The following RALYL variants were observed in gnomAD, a reference collection of about 807,000 sequenced individuals.
The protein encoded by RALYL is RNA-binding Raly-like protein.
In RALYL, 29 loss-of-function variants were observed where a neutral mutation model predicts 35.1. The ratio of observed to expected loss-of-function variants is 0.83; its 90% CI spans 0.61 to 1.13. The LOEUF (loss-of-function observed/expected upper bound fraction) is 1.13. Ranked by LOEUF, RALYL falls within the 50% of genes most tolerant of loss-of-function variation. The probability of loss-of-function intolerance (pLI) is 0.00; values close to 1 mark genes in which losing one functional copy is unlikely to be tolerated. For synonymous variants in RALYL, 120 were observed against 127.6 expected, an observed-to-expected ratio of 0.94 and a Z score of 0.40; for missense variants, 359 against 360.4, an observed-to-expected ratio of 1.00 and a Z score of 0.03.
chr8:84,565,527 G>A (rs2061724828), intron 2 of RALYL, among the ~76,000 whole-genome samples: 1 of 151,468 alleles, frequency 6.6e-6, no homozygotes, highest in Non-Finnish European at 1.5e-5. Context: ...TGCATTGTAA[G>A]GGATTACTGA....
At chr8:84,318,155 G>A (rs968975823) in intron 1 of RALYL, among the ~76,000 whole-genome samples, 4 of 152,054 alleles carry the variant, frequency 2.6e-5, no homozygotes, top group Non-Finnish European at 2.9e-5. Flanking sequence ...TGTTAAAGAC[G>A]TATTAAGAAC....
At chr8:84,556,360 T>A (rs2061118455) in intron 2 of RALYL, among the ~76,000 whole-genome samples, 1 of 152,166 alleles carries the variant, frequency 6.6e-6, no homozygotes, top group Admixed American at 6.5e-5. Flanking sequence ...GCATTATTAA[T>A]TTATTTTCAG....
intron 6 of RALYL, among the ~76,000 whole-genome samples, chr8:84,868,015 CATA>C (rs1334920451): frequency 6.6e-6 from 1 of 151,704 alleles, no homozygotes; most frequent in Non-Finnish European, 1.5e-5. Context: ...ATTTTATATG[CATA>C]ATAATAAATT....
chr8:84,253,175 A>ATTTTT (rs1195738891), intron 1 of RALYL, among the ~76,000 whole-genome samples: 1 of 93,870 alleles, frequency 1.1e-5, no homozygotes, highest in Admixed American at 1.2e-4. Context: ...GTAGTTCTGC[A>ATTTTT]GTTTTTTTTT....
intron 8 of RALYL, among the ~76,000 whole-genome samples, chr8:84,899,715 C>T (rs372912213): frequency 1.3e-5 from 2 of 152,102 alleles, no homozygotes; most frequent in Non-Finnish European, 2.9e-5. Context: ...TTGACTCTAT[C>T]GTGTTGGTTT....
chr8:84,638,584 G>A (rs1193479437), intron 2 of RALYL, among the ~76,000 whole-genome samples: 1 of 151,566 alleles, frequency 6.6e-6, no homozygotes, highest in African/African-American at 2.4e-5. Flanking sequence ...AGAAAAAAGA[G>A]AAAGCCAAAT....
At chr8:84,252,275 A>G (rs1249178534) in intron 1 of RALYL, among the ~76,000 whole-genome samples, 5 of 152,106 alleles carry the variant, frequency 3.3e-5, no homozygotes, top group Non-Finnish European at 7.4e-5. Context: ...TATTTTATTT[A>G]TAGGTAGCCA....
intron 2 of RALYL, among the ~76,000 whole-genome samples, chr8:84,609,615 A>T (rs1230095110): frequency 6.6e-6 from 1 of 152,182 alleles, no homozygotes; most frequent in Non-Finnish European, 1.5e-5. Context: ...TTTTTGAAAC[A>T]ATTTCAGTTT....
chr8:84,249,259 C>T (rs1829722550), intron 1 of RALYL, among the ~76,000 whole-genome samples: 1 of 152,026 alleles, frequency 6.6e-6, no homozygotes, highest in Non-Finnish European at 1.5e-5. Context: ...TTATGTTGTT[C>T]CTTTTTCCTA....
At chr8:84,581,498 T>C (rs1323010466) in intron 2 of RALYL, among the ~76,000 whole-genome samples, 2 of 152,186 alleles carry the variant, frequency 1.3e-5, no homozygotes, top group Non-Finnish European at 2.9e-5. Flanking sequence ...GAGGACTACG[T>C]TAACTGATAC....
chr8:84,352,707 C>T (rs1851141407), intron 1 of RALYL, among the ~76,000 whole-genome samples: 1 of 150,126 alleles, frequency 6.7e-6, no homozygotes, highest in Non-Finnish European at 1.5e-5. Flanking sequence ...GCATTTGATG[C>T]TTATTTATTT....
At chr8:84,697,842 C>G (rs1162831250) in intron 2 of RALYL, among the ~76,000 whole-genome samples, 1 of 152,000 alleles carries the variant, frequency 6.6e-6, no homozygotes, top group African/African-American at 2.4e-5. Context: ...ACACTGTATT[C>G]TTTTTCTGGA....
At chr8:84,505,205 C>T (rs2057059830) in intron 1 of RALYL, among the ~76,000 whole-genome samples, 1 of 152,148 alleles carries the variant, frequency 6.6e-6, no homozygotes, top group South Asian at 2.1e-4. Context: ...GTATCCAGTT[C>T]ATTTTCTTTC....
rs191783437 is a variant in RALYL at position 84,884,667 on chromosome 8, T to C, written c.686-2937T>C. Among the ~76,000 whole-genome samples the C allele has an allele frequency of 1.4e-4, 21 of 152,242 alleles. No homozygotes were observed. The East Asian group carries it at 3.7e-3, about 27-fold the overall frequency. ...TACTAGGCCAATTGAATTCCTAATA[T>C]ATGTCAATCTTAAGCAAAAGTCCAT... On this transcript the variant is annotated intron_variant, in intron 7 of 8. Transcript: ENST00000521268.
chr8:84,731,566 C>T (rs552562380), intron 2 of RALYL, among the ~76,000 whole-genome samples: 1 of 152,214 alleles, frequency 6.6e-6, no homozygotes, highest in African/African-American at 2.4e-5. Context: ...CCAATTCTCT[C>T]CACTTTCACT....
intron 4 of RALYL, among the ~76,000 whole-genome samples, chr8:84,830,919 C>G (rs1830790404): frequency 6.6e-6 from 1 of 151,818 alleles, no homozygotes; most frequent in Admixed American, 6.6e-5. Context: ...CTTTAAGACA[C>G]CAGATGCAAT....
chr8:84,311,534 A>AT (rs1240112642), intron 1 of RALYL, among the ~76,000 whole-genome samples: 7 of 152,172 alleles, frequency 4.6e-5, no homozygotes, highest in African/African-American at 1.7e-4. Context: ...ACTTGAAGTA[A>AT]TGTGCAAAAG....
chr8:84,242,040 TC>T (rs546883338), intron 1 of RALYL, among the ~76,000 whole-genome samples: 3 of 152,014 alleles, frequency 2.0e-5, no homozygotes, highest in Non-Finnish European at 4.4e-5. Context: ...TGTGTGTTGT[TC>T]CCCCCATGTG....
chr8:84,327,883 A>G (rs1846112208), intron 1 of RALYL, among the ~76,000 whole-genome samples: 2 of 152,200 alleles, frequency 1.3e-5, no homozygotes, highest in African/African-American at 4.8e-5. Flanking sequence ...AGAATGCAAA[A>G]GAATCAGAAG....
Sources: gnomAD v4.1 joint callset for allele counts (sites outside exome capture counted in the v4.1 genomes callset) on GRCh38, gnomAD v4.1.1 for gene constraint, MANE v1.5 for transcripts, NCBI Gene and HGNC (gene_info 2026-07-23, HGNC 2026-07-21) for gene names.